The following CCL5 variants were observed in gnomAD, a reference collection of about 807,000 sequenced individuals.
CCL5 encodes C-C motif chemokine ligand 5.
CCL5 carries 5 observed loss-of-function variants against 9.0 expected under a neutral mutation model. That is an observed-to-expected ratio of 0.55 (90% CI 0.29 to 1.16). The LOEUF is 1.16. Ranked by LOEUF, CCL5 falls within the 50% of genes most tolerant of loss-of-function variation. The pLI is 0.08. For missense variants in CCL5, 183 were observed against 183.2 expected (o/e 1.00, Z 0.01); for synonymous variants, 66 against 72.0 (o/e 0.92, Z 0.42).
intron 2 of CCL5, among the ~76,000 whole-genome samples, chr17:35,876,174 C>T (rs2088439258): frequency 6.6e-6 from 1 of 152,156 alleles, no homozygotes; most frequent in Non-Finnish European, 1.5e-5. Flanking sequence ...AATTGAAGGG[C>T]CTACACTCAC....
chr17:35,878,515 GGCTGAGACTCACACGACT>G lies in CCL5; in HGVS notation c.183_188+12del. 1 of 1,586,742 alleles carries G rather than the reference GGCTGAGACTCACACGACT, an allele frequency of 6.3e-7. No individual in the cohort carries two copies. The highest frequency in any genetic ancestry group is 8.7e-7 in the Non-Finnish European group (1 of 1,155,362). On this transcript the variant is annotated splice_donor_variant and splice_donor_5th_base_variant and coding_sequence_variant and intron_variant, in exon 2 of 4. Coordinates refer to ENST00000651122, the MANE Select transcript of CCL5 (RefSeq NM_001278736.2). LOFTEE classifies it high-confidence loss of function. ...AACAGGCTCTGGGAGGGCTCCATGG[GGCTGAGACTCACACGACT>G]GCTGGGTTGGAGCACTTGCCACTGG...
At chr17:35,873,143 G>T (rs766853763) in intron 3 of CCL5, among the ~76,000 whole-genome samples, 3 of 150,704 alleles carry the variant, frequency 2.0e-5, no homozygotes, top group Non-Finnish European at 2.9e-5. Context: ...ACCCACCTTG[G>T]CCTCCCAAAG....
chr17:35,874,191 A>G (rs916278978), intron 3 of CCL5, among the ~76,000 whole-genome samples: 1 of 152,210 alleles, frequency 6.6e-6, no homozygotes, highest in African/African-American at 2.4e-5. Context: ...TTATTATTTG[A>G]AATTTGAACA....
intron 3 of CCL5, among the ~76,000 whole-genome samples, chr17:35,872,711 A>G (rs1303472344): frequency 6.6e-6 from 1 of 152,184 alleles, no homozygotes; most frequent in Non-Finnish European, 1.5e-5. Context: ...AAATGCATGT[A>G]GCCTGAAAAG....
intron 2 of CCL5, among the ~76,000 whole-genome samples, chr17:35,876,770 G>A (rs1050752836): frequency 4.6e-5 from 7 of 152,206 alleles, no homozygotes; most frequent in African/African-American, 1.7e-4. Flanking sequence ...CATGGAGACT[G>A]TACATAAACC....
chr17:35,873,212 C>T (rs1421032843), intron 3 of CCL5, among the ~76,000 whole-genome samples: 7 of 116,642 alleles, frequency 6.0e-5, no homozygotes, highest in African/African-American at 1.7e-4. Flanking sequence ...TCCTTTGAGA[C>T]GGAGTCTCAC....
chr17:35,875,102 A>G lies in CCL5; in HGVS notation c.270+459T>C, dbSNP rs902526091. Among the ~76,000 whole-genome samples the G allele has an allele frequency of 4.0e-5, 6 of 151,780 alleles. No homozygotes were observed. In the South Asian group the frequency reaches 6.3e-4, roughly 16 times the overall value. On this transcript the variant is annotated intron_variant, in intron 3 of 3. Coordinates refer to ENST00000651122, the MANE Select transcript of CCL5 (RefSeq NM_001278736.2). ...ATTCCCAAATATGTTCTGATGTGCT[A>G]TGTACCCACCTTATTTAAATATTTC...
intron 2 of CCL5, among the ~76,000 whole-genome samples, chr17:35,876,321 C>T (rs899464515): frequency 6.6e-6 from 1 of 152,182 alleles, no homozygotes; most frequent in African/African-American, 2.4e-5. Flanking sequence ...GCCCTAACAC[C>T]CTTTCCTCAG....
chr17:35,875,603 G>T lies in CCL5; in HGVS notation c.228C>A (p.Val76=). ...GGGAGTCATACAGGAAATCCTGCCA[G>T]ACTTGCTGTCCCTCTCTCTTTGGCA... is the stretch of plus-strand genomic sequence containing the variant. The change falls in exon 3 of 4, where the codon GTC becomes GTA. Residue 76 remains valine (V), a synonymous_variant. Coordinates refer to ENST00000651122, the MANE Select transcript of CCL5 (RefSeq NM_001278736.2). 2.0e-6 allele frequency: 2 copies of T among 985,454 alleles called. No homozygotes were observed. Among genetic ancestry groups the T allele is most frequent in the Non-Finnish European group, 2.4e-6 (2 of 829,940 alleles). The allele number at this position is 985,454 out of a possible 1,614,324, so 61.0% of individuals were successfully genotyped here.
Position 35,872,369 on chromosome 17 carries a change from T to TCTCCATCCTAGC in CCL5, c.354_365dup (p.Leu119_Arg122dup), listed in dbSNP as rs761931677. On this transcript the variant is annotated inframe_insertion, in exon 4 of 4. Transcript: ENST00000651122. ...TTTGTGTAAGTTCAGGTTCAAGGACTCTCCATCCTAGCTCATCTCCAAAGA... is the reference window on the plus strand; with the variant it reads ...TTTGTGTAAGTTCAGGTTCAAGGACTCTCCATCCTAGCCTCCATCCTAGCTCATCTCCAAAGA... The TCTCCATCCTAGC allele has an allele frequency of 2.3e-5, 37 of 1,613,356 alleles. No homozygotes were observed. Among genetic ancestry groups the TCTCCATCCTAGC allele is most frequent in the Non-Finnish European group, 2.9e-5 (34 of 1,179,772 alleles).
chr17:35,879,698 C>T (rs535585300), intron 1 of CCL5, among the ~76,000 whole-genome samples: 2 of 150,184 alleles, frequency 1.3e-5, no homozygotes, highest in South Asian at 4.2e-4. Context: ...TCCATAGTAA[C>T]CATTTAATTA....
chr17:35,879,970 C>T (rs2144037153), intron 1 of CCL5, among the ~76,000 whole-genome samples: 1 of 152,308 alleles, frequency 6.6e-6, no homozygotes, highest in East Asian at 1.9e-4. Context: ...ACTCAGTGAA[C>T]ACCTGTAGGC....
intron 1 of CCL5, 113 bp from the exon 2 acceptor site, chr17:35,878,752 A>G: frequency 1.5e-6 from 1 of 671,022 alleles, no homozygotes; most frequent in Admixed American, 2.9e-5. Flanking sequence ...CTTCCTTGAC[A>G]GAAACTGAGG....
chr17:35,872,932 A>C (rs1306696878), intron 3 of CCL5, among the ~76,000 whole-genome samples: 6 of 151,416 alleles, frequency 4.0e-5, no homozygotes. Flanking sequence ...TCTGTCACCC[A>C]GGCTGGAGTG....
chr17:35,880,297 G>A lies in CCL5; in HGVS notation c.9C>T (p.Val3=). ...GGATGACAGCGAGGGCTGCCGCGGA[G>A]ACCTTCATGGTACCTGTGGGAGAGG... The change falls in exon 1 of 4, where the codon GTC becomes GTT. Residue 3 remains valine, a synonymous_variant. Coordinates refer to ENST00000651122, the MANE Select transcript of CCL5 (RefSeq NM_001278736.2). 1.2e-6 allele frequency: 2 copies of A among 1,612,164 alleles called. No individual in the cohort carries two copies. The highest frequency in any genetic ancestry group is 1.7e-6 in the Non-Finnish European group (2 of 1,179,182).
intron 2 of CCL5, 136 bp downstream of exon 2, chr17:35,878,392 C>A: frequency 1.6e-6 from 1 of 628,564 alleles, no homozygotes; most frequent in Non-Finnish European, 2.9e-6. Context: ...TACATGATAG[C>A]AGGGGACTCT....
intron 3 of CCL5, among the ~76,000 whole-genome samples, chr17:35,872,879 C>A (rs564509757): frequency 6.6e-6 from 1 of 151,796 alleles, no homozygotes; most frequent in African/African-American, 2.4e-5. Context: ...AAGTGGGAGA[C>A]AAGAAGTTCT....
intron 3 of CCL5, among the ~76,000 whole-genome samples, chr17:35,873,902 C>T (rs187674436): frequency 1.3e-5 from 2 of 152,232 alleles, no homozygotes; most frequent in Admixed American, 1.3e-4. Flanking sequence ...AAAGCACTTG[C>T]ACCAAGTAAC....
intron 3 of CCL5, 54 bp from the exon 3 acceptor site, chr17:35,872,518 C>A: frequency 6.7e-7 from 1 of 1,482,924 alleles, no homozygotes; most frequent in Non-Finnish European, 9.4e-7. Flanking sequence ...ACCGGGACAG[C>A]CAGTTTGGGG....
Sources: allele counts gnomAD v4.1 joint callset (sites outside exome capture counted in the v4.1 genomes callset), GRCh38; gene constraint gnomAD v4.1.1; transcripts MANE v1.5; gene names NCBI Gene and HGNC (gene_info 2026-07-23, HGNC 2026-07-21).